Variants in NCAM2 observed in about 807,000 individuals in gnomAD.
NCAM2 encodes N-CAM-2.
Under a neutral mutation model 98.1 loss-of-function variants are expected in NCAM2, and 30 were observed. That is an observed-to-expected ratio of 0.31 (90% confidence interval 0.23 to 0.41). The LOEUF (loss-of-function observed/expected upper bound fraction) is 0.41, where lower values mean the gene tolerates loss of function less well. Ranked by LOEUF, NCAM2 falls within the 10% of genes least tolerant of loss-of-function variation. The pLI, the probability that NCAM2 is intolerant of heterozygous loss-of-function variation, is 1.00. For synonymous variants in NCAM2, 368 were observed against 342.4 expected, an observed-to-expected ratio of 1.07 and a Z score of -0.83; for missense variants, 867 against 1,005.8, an observed-to-expected ratio of 0.86 and a Z score of 1.87.
intron 2 of NCAM2, among the ~76,000 whole-genome samples, chr21:21,281,069 G>A (rs1256905255): frequency 6.6e-6 from 1 of 152,100 alleles, no homozygotes; most frequent in Non-Finnish European, 1.5e-5. Flanking sequence ...GGGATTACAG[G>A]TGTGAGCCAT....
At chr21:21,265,096 T>C (rs1482931214) in intron 1 of NCAM2, among the ~76,000 whole-genome samples, 37 of 72,346 alleles carry the variant, frequency 5.1e-4, no homozygotes, top group African/African-American at 1.5e-3. Flanking sequence ...ATATTATATA[T>C]ACATATATAA....
At chr21:21,414,720 C>T (rs755415444) in intron 10 of NCAM2, among the ~76,000 whole-genome samples, 12 of 152,072 alleles carry the variant, frequency 7.9e-5, no homozygotes, top group Non-Finnish European at 1.5e-4. Flanking sequence ...CCGCCTGCCT[C>T]GGCCTCCCAA....
chr21:21,512,363 G>A (rs1988442868), intron 16 of NCAM2, among the ~76,000 whole-genome samples: 1 of 151,900 alleles, frequency 6.6e-6, no homozygotes, highest in African/African-American at 2.4e-5. Context: ...TATCTCCAAT[G>A]TCTTGGCAGC....
intron 1 of NCAM2, among the ~76,000 whole-genome samples, chr21:21,063,829 A>G (rs1483889062): frequency 6.6e-6 from 1 of 152,124 alleles, no homozygotes; most frequent in African/African-American, 2.4e-5. Context: ...TATTAGTCAT[A>G]TTACTAAGCT....
At chr21:21,525,748 A>G (rs2146401368) in intron 16 of NCAM2, among the ~76,000 whole-genome samples, 1 of 152,234 alleles carries the variant, frequency 6.6e-6, no homozygotes, top group Non-Finnish European at 1.5e-5. Flanking sequence ...ATAGATGCAA[A>G]CACCATTTAC....
chr21:21,527,426 G>A lies in NCAM2; in HGVS notation c.2283-7111G>A, dbSNP rs1585397. 5.1e-3 allele frequency among the ~76,000 whole-genome samples: 780 copies of A among 152,156 alleles called. 8 individuals are homozygous for A. The highest frequency in any genetic ancestry group is 0.018 in the African/African-American group (736 of 41,512). On this transcript the variant is annotated intron_variant, in intron 16 of 17. Transcript: ENST00000400546. ...TTAAGTGAATGAAAAGACGAATCACGGAATGGGAGGAAATATTTGCAAAAC... is the reference window on the plus strand; with the variant it reads ...TTAAGTGAATGAAAAGACGAATCACAGAATGGGAGGAAATATTTGCAAAAC...
At chr21:21,463,568 A>G (rs1441069078) in intron 12 of NCAM2, among the ~76,000 whole-genome samples, 1 of 152,100 alleles carries the variant, frequency 6.6e-6, no homozygotes, top group Non-Finnish European at 1.5e-5. Context: ...CAGTTTAGCC[A>G]TCGGTGTGCC....
chr21:21,344,300 A>G (rs771745993), intron 8 of NCAM2, among the ~76,000 whole-genome samples: 9 of 152,130 alleles, frequency 5.9e-5, no homozygotes, highest in Non-Finnish European at 1.3e-4. Flanking sequence ...GGTCCAAATA[A>G]TAGCACAGCC....
intron 8 of NCAM2, among the ~76,000 whole-genome samples, chr21:21,338,916 C>T (rs1285631041): frequency 6.6e-6 from 1 of 152,050 alleles, no homozygotes; most frequent in African/African-American, 2.4e-5. Context: ...ATAATATTGC[C>T]ATTTTAAAAA....
chr21:21,271,940 T>A (rs530372714), intron 1 of NCAM2, among the ~76,000 whole-genome samples: 2 of 152,240 alleles, frequency 1.3e-5, no homozygotes, highest in East Asian at 1.9e-4. Flanking sequence ...ATATACCTCA[T>A]GTAAATGATG....
At chr21:21,440,678 A>C (rs1053234545) in intron 12 of NCAM2, among the ~76,000 whole-genome samples, 2 of 149,412 alleles carry the variant, frequency 1.3e-5, no homozygotes. Context: ...GAAATCCTAC[A>C]ACAGCAACAA....
chr21:21,292,273 G>A, intron 5 of NCAM2, 32 bp downstream of exon 5: 1 of 1,581,376 alleles, frequency 6.3e-7, no homozygotes, highest in Non-Finnish European at 8.6e-7. Flanking sequence ...CATGTTTTAT[G>A]GATTCATTTT....
intron 12 of NCAM2, among the ~76,000 whole-genome samples, chr21:21,438,990 G>T (rs578147132): frequency 6.6e-6 from 1 of 152,140 alleles, no homozygotes; most frequent in Admixed American, 6.5e-5. Flanking sequence ...GGAGGCTGAG[G>T]CAGAAGAATC....
At chr21:21,105,222 G>A (rs980308958) in intron 1 of NCAM2, among the ~76,000 whole-genome samples, 1 of 152,102 alleles carries the variant, frequency 6.6e-6, no homozygotes, top group Admixed American at 6.6e-5. Flanking sequence ...ACATGAAGTA[G>A]GACTTCATAG....
intron 1 of NCAM2, among the ~76,000 whole-genome samples, chr21:21,029,406 A>G (rs995492923): frequency 2.6e-5 from 4 of 152,134 alleles, no homozygotes; most frequent in South Asian, 2.1e-4. Context: ...GTTTTAATCC[A>G]TACGTCCTTT....
chr21:21,066,756 T>G (rs959387584), intron 1 of NCAM2, among the ~76,000 whole-genome samples: 1 of 152,110 alleles, frequency 6.6e-6, no homozygotes, highest in African/African-American at 2.4e-5. Flanking sequence ...ATATATACTT[T>G]TAAGCCTATA....
At chr21:21,362,442 T>G (rs1022196945) in intron 8 of NCAM2, among the ~76,000 whole-genome samples, 1 of 151,974 alleles carries the variant, frequency 6.6e-6, no homozygotes, top group Non-Finnish European at 1.5e-5. Context: ...TCACCCAGGC[T>G]GAGTACAGTG....
chr21:21,161,945 G>A (rs919411253), intron 1 of NCAM2, among the ~76,000 whole-genome samples: 9 of 151,908 alleles, frequency 5.9e-5, no homozygotes, highest in Admixed American at 1.3e-4. Context: ...ACGATATAAT[G>A]GATTGTAAAA....
chr21:21,177,090 A>G (rs959577503), intron 1 of NCAM2, among the ~76,000 whole-genome samples: 6 of 152,130 alleles, frequency 3.9e-5, no homozygotes, highest in African/African-American at 1.4e-4. Flanking sequence ...TTAAAAAGTA[A>G]GAAAGAGAAT....
Sources: gnomAD v4.1 joint callset for allele counts (sites outside exome capture counted in the v4.1 genomes callset) on GRCh38, gnomAD v4.1.1 for gene constraint, MANE v1.5 for transcripts, NCBI Gene and HGNC (gene_info 2026-07-23, HGNC 2026-07-21) for gene names.